THSD7B: variants seen among roughly 807,000 people sequenced by gnomAD.
THSD7B encodes thrombospondin type-1 domain-containing protein 7B.
Under a neutral mutation model 213.6 loss-of-function variants are expected in THSD7B, and 138 were observed. That is an observed-to-expected ratio of 0.65 (90% CI 0.56 to 0.74). The LOEUF (loss-of-function observed/expected upper bound fraction) is 0.74, where lower values mean the gene tolerates loss of function less well. Ranked by LOEUF, THSD7B falls within the 30% of genes least tolerant of loss-of-function variation. The pLI, the probability that THSD7B is intolerant of heterozygous loss-of-function variation, is 0.00. For synonymous variants in THSD7B, 742 were observed against 687.0 expected (o/e 1.08, Z -1.25); for missense variants, 1,931 against 1,991.5 (o/e 0.97, Z 0.58).
At chr2:137,042,484 A>C (rs1573784758) in intron 2 of THSD7B, among the ~76,000 whole-genome samples, 1 of 152,200 alleles carries the variant, frequency 6.6e-6, no homozygotes, top group Admixed American at 6.5e-5. Flanking sequence ...TTGAGGATTC[A>C]CATTATGTAT....
chr2:136,798,918 C>G lies in THSD7B; in HGVS notation c.-36+33231C>G, dbSNP rs527322973. On this transcript the variant is annotated intron_variant, in intron 1 of 27. Transcript: ENST00000409968. The stretch of plus-strand genomic sequence containing the variant: ...TTTGTAGTCTACACACATTCCCTAA[C>G]TTCCTCTAGGCCTTGCCCAGAGATT... Among the ~76,000 whole-genome samples, 4 of 152,152 alleles carry G rather than the reference C, an allele frequency of 2.6e-5. No homozygotes were observed. The East Asian group carries it at 7.7e-4, about 29-fold the overall frequency.
chr2:137,464,732 A>G (rs1056458322), intron 15 of THSD7B, among the ~76,000 whole-genome samples: 6 of 152,100 alleles, frequency 3.9e-5, no homozygotes, highest in Admixed American at 2.0e-4. Flanking sequence ...GAGCTGCTCA[A>G]TTGACTGTTT....
chr2:136,806,986 G>T (rs1682293471), intron 1 of THSD7B, among the ~76,000 whole-genome samples: 1 of 152,156 alleles, frequency 6.6e-6, no homozygotes, highest in Non-Finnish European at 1.5e-5. Context: ...TTTTTGGGGG[G>T]AAGACCACTG....
At chr2:136,882,002 C>A in intron 1 of THSD7B, 142 bp from the exon 2 acceptor site, 1 of 474,118 alleles carries the variant, frequency 2.1e-6, no homozygotes, top group East Asian at 3.7e-5. Context: ...TAGCTTTTCC[C>A]ACAGGGTTGA....
intron 15 of THSD7B, among the ~76,000 whole-genome samples, chr2:137,510,241 C>T (rs2105150825): frequency 6.6e-6 from 1 of 152,066 alleles, no homozygotes; most frequent in Admixed American, 6.5e-5. Flanking sequence ...ATTTTACCCC[C>T]CTAGTTAAGT....
chr2:136,921,244 T>C (rs11901114), intron 2 of THSD7B, among the ~76,000 whole-genome samples: 10,796 of 147,022 alleles, frequency 0.073, 649 homozygotes, highest in African/African-American at 0.16. Context: ...AAAAACCACA[T>C]AGGCAGGCCC....
intron 2 of THSD7B, among the ~76,000 whole-genome samples, chr2:136,938,654 T>A (rs1418566775): frequency 6.6e-6 from 1 of 152,228 alleles, no homozygotes; most frequent in Admixed American, 6.5e-5. Flanking sequence ...CAGCACAGAT[T>A]AGACTTTGTA....
intron 19 of THSD7B, among the ~76,000 whole-genome samples, chr2:137,618,943 A>G (rs1471367847): frequency 1.3e-5 from 2 of 152,230 alleles, no homozygotes; most frequent in African/African-American, 4.8e-5. Context: ...AGCAGATAAT[A>G]TTTGGATAAA....
intron 2 of THSD7B, among the ~76,000 whole-genome samples, chr2:136,931,424 C>T (rs545008578): frequency 6.6e-6 from 1 of 152,304 alleles, no homozygotes; most frequent in South Asian, 2.1e-4. Flanking sequence ...CAAACCAGTG[C>T]TCTTTTCTCT....
At chr2:136,791,428 G>T (rs936802645) in intron 1 of THSD7B, among the ~76,000 whole-genome samples, 11 of 151,834 alleles carry the variant, frequency 7.2e-5, no homozygotes, top group African/African-American at 2.7e-4. Flanking sequence ...ATGGTGTTTA[G>T]TATATATATG....
intron 15 of THSD7B, among the ~76,000 whole-genome samples, chr2:137,508,926 C>G (rs1466135013): frequency 2.6e-5 from 4 of 152,192 alleles, no homozygotes; most frequent in Middle Eastern, 3.4e-3. Context: ...CCTCAGGGCA[C>G]TCTCCAACCT....
chr2:137,519,663 G>T (rs1680142149), intron 15 of THSD7B, among the ~76,000 whole-genome samples: 1 of 152,122 alleles, frequency 6.6e-6, no homozygotes, highest in Non-Finnish European at 1.5e-5. Context: ...ACAGTTTGAA[G>T]GTGAATATAG....
At chr2:137,027,547 C>T (rs1290728633) in intron 2 of THSD7B, among the ~76,000 whole-genome samples, 1 of 152,134 alleles carries the variant, frequency 6.6e-6, no homozygotes, top group African/African-American at 2.4e-5. Context: ...AAAGGTAATC[C>T]TCACTGAAGA....
intron 15 of THSD7B, among the ~76,000 whole-genome samples, chr2:137,531,574 A>G (rs1225252332): frequency 1.3e-5 from 2 of 151,964 alleles, no homozygotes; most frequent in Non-Finnish European, 2.9e-5. Context: ...TTATATAATT[A>G]TACCTTTAAT....
chr2:137,282,382 T>A (rs966774045), intron 12 of THSD7B, among the ~76,000 whole-genome samples: 7 of 152,216 alleles, frequency 4.6e-5, no homozygotes, highest in Non-Finnish European at 7.3e-5. Flanking sequence ...GTAGTTTCTT[T>A]CGCTGTGCAG....
At chr2:136,883,726 G>C (rs1056765642) in intron 2 of THSD7B, among the ~76,000 whole-genome samples, 2 of 152,140 alleles carry the variant, frequency 1.3e-5, no homozygotes, top group Non-Finnish European at 2.9e-5. Context: ...TCTAAAAGTA[G>C]GTCATTGGAA....
At position 137,663,580 on chromosome 2, in the gene THSD7B, G is replaced by T. The variant is rs753749592; in HGVS notation, c.4651+5G>T. 6.3e-7 allele frequency: 1 copy of T among 1,594,542 alleles called. No individual in the cohort carries two copies. The highest frequency in any genetic ancestry group is 8.5e-7 in the Non-Finnish European group (1 of 1,170,622). The stretch of plus-strand genomic sequence containing the variant: ...CTCTTCAACCACTTGATCCAGGTGA[G>T]TTTCAGTTGTGAGTAAGAAATGAAA... On this transcript the variant is annotated splice_donor_5th_base_variant and intron_variant, in intron 26 of 27. Transcript: ENST00000409968.
At chr2:137,284,672 A>T (rs1276960246) in intron 12 of THSD7B, among the ~76,000 whole-genome samples, 1 of 152,142 alleles carries the variant, frequency 6.6e-6, no homozygotes, top group African/African-American at 2.4e-5. Flanking sequence ...GTAGTCATTC[A>T]GGAGCAGGTT....
intron 1 of THSD7B, among the ~76,000 whole-genome samples, chr2:136,815,835 A>C (rs899314584): frequency 6.6e-6 from 1 of 152,102 alleles, no homozygotes; most frequent in Non-Finnish European, 1.5e-5. Context: ...GAAAGTGAGA[A>C]TCTTCTTCCA....
Sources: gnomAD v4.1 joint callset for allele counts (sites outside exome capture counted in the v4.1 genomes callset) on GRCh38, gnomAD v4.1.1 for gene constraint, MANE v1.5 for transcripts, NCBI Gene and HGNC (gene_info 2026-07-23, HGNC 2026-07-21) for gene names.